The following RALGPS2 variants were observed in gnomAD, a reference collection of about 807,000 sequenced individuals.
RALGPS2 encodes the protein Ral GEF with PH domain and SH3 binding motif 2.
RALGPS2 carries 43 observed loss-of-function variants against 86.8 expected under a neutral mutation model. That is an observed-to-expected ratio of 0.50 (90% confidence interval 0.39 to 0.64). The LOEUF is 0.64. Among genes scored for constraint, RALGPS2 ranks in the 30% least tolerant of loss-of-function variants. RALGPS2 has a pLI of 0.00. For synonymous variants in RALGPS2, 243 were observed against 231.3 expected, an observed-to-expected ratio of 1.05 and a Z score of -0.46; for missense variants, 536 against 694.6, an observed-to-expected ratio of 0.77 and a Z score of 2.57.
chr1:178,741,933 C>G (rs1209220694), intron 1 of RALGPS2, among the ~76,000 whole-genome samples: 1 of 151,798 alleles, frequency 6.6e-6, no homozygotes, highest in Non-Finnish European at 1.5e-5. Context: ...GTCAGGAGAT[C>G]GAGACCATCC....
chr1:178,897,012 T>C (rs1188705343), intron 16 of RALGPS2, among the ~76,000 whole-genome samples: 7 of 151,958 alleles, frequency 4.6e-5, no homozygotes, highest in African/African-American at 1.5e-4. Context: ...GTATTTCCAG[T>C]TCTAGATCCC....
At chr1:178,893,213 G>C (rs192828297) in intron 15 of RALGPS2, among the ~76,000 whole-genome samples, 84 of 151,402 alleles carry the variant, frequency 5.5e-4, no homozygotes, top group African/African-American at 1.7e-3. Flanking sequence ...AAATCAATTA[G>C]GGAAAGATAT....
chr1:178,872,088 T>G (rs1345745106), intron 8 of RALGPS2, among the ~76,000 whole-genome samples: 4 of 152,220 alleles, frequency 2.6e-5, no homozygotes, highest in African/African-American at 7.2e-5. Flanking sequence ...CCACACTCTC[T>G]GTCATTGATT....
intron 19 of RALGPS2, among the ~76,000 whole-genome samples, chr1:178,914,948 C>CT (rs958929667): frequency 5.3e-5 from 8 of 150,876 alleles, no homozygotes; most frequent in African/African-American, 1.2e-4. Context: ...TATTAAGACT[C>CT]TTTTTTTTTC....
chr1:178,759,185 A>G (rs940025965), intron 1 of RALGPS2, among the ~76,000 whole-genome samples: 12 of 152,124 alleles, frequency 7.9e-5, no homozygotes, highest in Admixed American at 5.2e-4. Flanking sequence ...GTTTTCTTGT[A>G]GTAGTTTCAT....
chr1:178,794,344 C>G (rs1654093856), intron 4 of RALGPS2, among the ~76,000 whole-genome samples: 1 of 152,088 alleles, frequency 6.6e-6, no homozygotes, highest in Non-Finnish European at 1.5e-5. Flanking sequence ...GCTCAAACTC[C>G]TGACCTAAAG....
intron 1 of RALGPS2, chr1:178,747,285 A>G: frequency 6.6e-7 from 1 of 1,520,338 alleles, no homozygotes; most frequent in East Asian, 2.3e-5. Context: ...GAAGCTGGTG[A>G]TTGAGGGACT....
chr1:178,843,551 C>T (rs1269941903), intron 8 of RALGPS2, among the ~76,000 whole-genome samples: 2 of 146,544 alleles, frequency 1.4e-5, no homozygotes, highest in Non-Finnish European at 3.0e-5. Flanking sequence ...ATACCTAATG[C>T]TAGATGACGA....
intron 1 of RALGPS2, among the ~76,000 whole-genome samples, chr1:178,745,632 G>A (rs1651273055): frequency 6.6e-6 from 1 of 152,050 alleles, no homozygotes; most frequent in Non-Finnish European, 1.5e-5. Context: ...AGCTCAAAAT[G>A]AATCAAAGAC....
chr1:178,802,935 T>G (rs1169772204), intron 4 of RALGPS2, among the ~76,000 whole-genome samples: 2 of 152,170 alleles, frequency 1.3e-5, no homozygotes, highest in Non-Finnish European at 2.9e-5. Context: ...TTTCAAATTG[T>G]TGCAAATCTT....
Position 178,916,747 on chromosome 1 carries a change from T to G in RALGPS2, c.*388T>G. 1 of 174,304 alleles carries G rather than the reference T, an allele frequency of 5.7e-6. No individual in the cohort carries two copies. Among genetic ancestry groups the G allele is most frequent in the Non-Finnish European group, 1.2e-5 (1 of 83,130 alleles). The allele number at this position is 174,304 out of a possible 1,614,324, so 10.8% of individuals were successfully genotyped here. Reference sequence around the variant, plus strand: ...TTTGTAATAATTTTAGAGGGGGGAATTGCCTTTTTTAGATATGCTTTAAAA... The same window carrying G: ...TTTGTAATAATTTTAGAGGGGGGAAGTGCCTTTTTTAGATATGCTTTAAAA... On this transcript the variant is annotated 3_prime_UTR_variant, in exon 20 of 20. Transcript: ENST00000367635.
intron 15 of RALGPS2, among the ~76,000 whole-genome samples, chr1:178,893,423 G>T (rs1390447464): frequency 6.8e-6 from 1 of 147,706 alleles, no homozygotes; most frequent in Admixed American, 6.7e-5. Context: ...ACTTCTTTCT[G>T]CTATTTTAGA....
intron 15 of RALGPS2, 36 bp from the exon 16 acceptor site, chr1:178,893,883 A>G: frequency 2.9e-6 from 4 of 1,395,708 alleles, no homozygotes; most frequent in Non-Finnish European, 4.0e-6. Flanking sequence ...TATTGTAGAC[A>G]AAAGCTCTTA....
intron 4 of RALGPS2, among the ~76,000 whole-genome samples, chr1:178,806,318 T>G (rs1480065620): frequency 6.6e-6 from 1 of 152,214 alleles, no homozygotes; most frequent in African/African-American, 2.4e-5. Flanking sequence ...TCTTCAAAAT[T>G]GAAGGCATTG....
intron 8 of RALGPS2, chr1:178,853,036 T>C (rs1456906459): frequency 1.3e-6 from 2 of 1,505,678 alleles, no homozygotes; most frequent in Non-Finnish European, 1.8e-6. Flanking sequence ...AAACATTCGA[T>C]AGCATAAAGA....
Position 178,828,257 on chromosome 1 carries a change from C to T in RALGPS2, c.481-5167C>T, listed in dbSNP as rs139815436. On this transcript the variant is annotated intron_variant, in intron 7 of 19. Coordinates refer to ENST00000367635, the MANE Select transcript of RALGPS2 (RefSeq NM_152663.5). ...CATGGCTTAACAATGAGGATACTTTCGGAGAAATGTGTTGTTTGGTGATTT... is the reference window on the plus strand; with the variant it reads ...CATGGCTTAACAATGAGGATACTTTTGGAGAAATGTGTTGTTTGGTGATTT... Among the ~76,000 whole-genome samples, 562 of 152,284 alleles carry T rather than the reference C, an allele frequency of 3.7e-3. 5 individuals carry two copies. The highest frequency in any genetic ancestry group is 0.012 in the African/African-American group (499 of 41,546).
chr1:178,730,762 C>T (rs551101008), intron 1 of RALGPS2, among the ~76,000 whole-genome samples: 4 of 150,078 alleles, frequency 2.7e-5, no homozygotes, highest in East Asian at 2.0e-4. Flanking sequence ...AGTGCAATGG[C>T]GTGATCTCGG....
intron 8 of RALGPS2, among the ~76,000 whole-genome samples, chr1:178,874,564 G>A (rs1658914625): frequency 6.6e-6 from 1 of 152,096 alleles, no homozygotes; most frequent in Admixed American, 6.6e-5. Context: ...CCATCAGCAA[G>A]GAATGACATT....
At chr1:178,834,005 G>A (rs572303553) in intron 8 of RALGPS2, among the ~76,000 whole-genome samples, 5 of 152,040 alleles carry the variant, frequency 3.3e-5, no homozygotes, top group Non-Finnish European at 5.9e-5. Context: ...ATTTAGCTTC[G>A]TGCTGAGACA....
Sources: gnomAD v4.1 joint callset for allele counts (sites outside exome capture counted in the v4.1 genomes callset) on GRCh38, gnomAD v4.1.1 for gene constraint, MANE v1.5 for transcripts, NCBI Gene and HGNC (gene_info 2026-07-23, HGNC 2026-07-21) for gene names.